CUTC: variants seen among roughly 807,000 people sequenced by gnomAD.
The protein encoded by CUTC is copper homeostasis protein cutC homolog.
A neutral mutation model predicts 36.2 loss-of-function variants in CUTC; 27 were observed. The ratio of observed to expected loss-of-function variants is 0.75; its 90% CI spans 0.55 to 1.03. The LOEUF (loss-of-function observed/expected upper bound fraction) is 1.03, where lower values mean the gene tolerates loss of function less well. Ranked by LOEUF, CUTC falls within the 50% of genes least tolerant of loss-of-function variation. The probability of loss-of-function intolerance (pLI) is 0.00; values close to 1 mark genes in which losing one functional copy is unlikely to be tolerated. For synonymous variants in CUTC, 114 were observed against 118.3 expected (o/e 0.96, Z 0.24); for missense variants, 315 against 343.5 (o/e 0.92, Z 0.66).
intron 8 of CUTC, among the ~76,000 whole-genome samples, chr10:99,754,955 G>C (rs951504125): frequency 6.7e-6 from 1 of 149,904 alleles, no homozygotes; most frequent in Non-Finnish European, 1.5e-5. Flanking sequence ...ATGATTTCCT[G>C]TAGCAAAGTT....
At chr10:99,737,725 C>T (rs1292353978) in intron 2 of CUTC, among the ~76,000 whole-genome samples, 3 of 152,182 alleles carry the variant, frequency 2.0e-5, no homozygotes, top group Non-Finnish European at 4.4e-5. Flanking sequence ...GCTATGTGCC[C>T]ATAGCCCACA....
In CUTC at chr10:99,747,324, G is replaced by T. The variant is rs1234344803; in HGVS notation, c.507G>T (p.Val169=). Residue 169 remains valine, a synonymous_variant, in exon 6 of 9, where the codon GTG becomes GTT. Transcript: ENST00000370476. Reference sequence around the variant, plus strand: ...TCTTAACCTTGGGATTTGAACGCGTGTTGACCAGTGGATGTGACAGTTCAG... The same window carrying T: ...TCTTAACCTTGGGATTTGAACGCGTTTTGACCAGTGGATGTGACAGTTCAG... ...ETLLTLGFER[V]LTSGCDSSAL... 1.2e-6 allele frequency: 2 copies of T among 1,614,210 alleles called. No homozygotes were observed. Among genetic ancestry groups the T allele is most frequent in the Admixed American group, 3.3e-5 (2 of 60,032 alleles).
At chr10:99,738,608 T>G (rs749002427) in intron 2 of CUTC, among the ~76,000 whole-genome samples, 4 of 152,208 alleles carry the variant, frequency 2.6e-5, no homozygotes, top group Non-Finnish European at 5.9e-5. Flanking sequence ...TTTTGCTAAT[T>G]ATATGTGTGA....
At chr10:99,743,384 G>A (rs549114484) in intron 4 of CUTC, 22 bp downstream of exon 4, 22 of 1,586,044 alleles carry the variant, frequency 1.4e-5, no homozygotes, top group South Asian at 1.2e-4. Flanking sequence ...TATCTAAGAC[G>A]TAAAAGCCTC....
intron 2 of CUTC, among the ~76,000 whole-genome samples, chr10:99,739,469 CA>C (rs2037322834): frequency 6.6e-6 from 1 of 152,074 alleles, no homozygotes; most frequent in South Asian, 2.1e-4. Flanking sequence ...CCCTATAATA[CA>C]AAAATTTAAG....
intron 2 of CUTC, among the ~76,000 whole-genome samples, chr10:99,737,983 T>C (rs2037310304): frequency 6.6e-6 from 1 of 151,954 alleles, no homozygotes; most frequent in South Asian, 2.1e-4. Flanking sequence ...CCGTCTCTAC[T>C]AAAAAATACA....
At chr10:99,736,454 C>A (rs1641105541) in intron 2 of CUTC, 137 bp downstream of exon 2, 6 of 628,370 alleles carry the variant, frequency 9.5e-6, no homozygotes, top group Non-Finnish European at 1.7e-5. Flanking sequence ...CAATTAGAAA[C>A]CCTACTGGAA....
intron 6 of CUTC, among the ~76,000 whole-genome samples, chr10:99,747,700 G>A (rs1382262264): frequency 1.3e-5 from 2 of 151,822 alleles, no homozygotes; most frequent in Admixed American, 6.6e-5. Flanking sequence ...TTATTTTTTA[G>A]TTTAGATATA....
chr10:99,739,540 G>A (rs1001922674), intron 2 of CUTC, among the ~76,000 whole-genome samples, 170 bp from the exon 3 acceptor site: 1 of 152,156 alleles, frequency 6.6e-6, no homozygotes, highest in Non-Finnish European at 1.5e-5. Flanking sequence ...AATGTGGGCT[G>A]CAGAGTATAG....
At chr10:99,745,848 C>T (rs924667676) in intron 5 of CUTC, among the ~76,000 whole-genome samples, 2 of 152,234 alleles carry the variant, frequency 1.3e-5, no homozygotes, top group Non-Finnish European at 2.9e-5. Context: ...CAGAGCAAGA[C>T]TGCATCTCAC....
At chr10:99,735,101 C>CAAAAAAAAAAAAAAAAAAA (rs56971127) in intron 1 of CUTC, among the ~76,000 whole-genome samples, 3 of 68,770 alleles carry the variant, frequency 4.4e-5, no homozygotes, top group African/African-American at 6.0e-5. Flanking sequence ...GACTCTGTAT[C>CAAAAAAAAAAAAAAAAAAA]AAAAAAAAAA....
intron 5 of CUTC, 23 bp from the exon 6 acceptor site, chr10:99,747,234 C>T (rs758593940): frequency 1.9e-6 from 3 of 1,611,460 alleles, no homozygotes; most frequent in Admixed American, 3.4e-5. Context: ...GTTCAAAATT[C>T]ACATCAGTTT....
chr10:99,734,622 T>C (rs1367234663), intron 1 of CUTC, among the ~76,000 whole-genome samples: 3 of 152,150 alleles, frequency 2.0e-5, no homozygotes, highest in African/African-American at 7.2e-5. Flanking sequence ...GTGTGCATTG[T>C]TTCGTTCATT....
At chr10:99,735,459 G>C (rs186959367) in intron 1 of CUTC, among the ~76,000 whole-genome samples, 53 of 152,302 alleles carry the variant, frequency 3.5e-4, no homozygotes, top group Admixed American at 1.2e-3. Flanking sequence ...CCAGGCTGGA[G>C]TGCAGTAGCA....
At chr10:99,735,602 T>C (rs1564654829) in intron 1 of CUTC, among the ~76,000 whole-genome samples, 2 of 152,128 alleles carry the variant, frequency 1.3e-5, no homozygotes, top group South Asian at 4.1e-4. Context: ...GAGACAGGGT[T>C]TTACCATGTT....
At chr10:99,735,607 C>T (rs1267477892) in intron 1 of CUTC, among the ~76,000 whole-genome samples, 1 of 152,192 alleles carries the variant, frequency 6.6e-6, no homozygotes, top group Non-Finnish European at 1.5e-5. Flanking sequence ...AGGGTTTTAC[C>T]ATGTTGGCCA....
intron 6 of CUTC, among the ~76,000 whole-genome samples, chr10:99,750,020 AC>A (rs1235062347): frequency 6.6e-6 from 1 of 152,166 alleles, no homozygotes; most frequent in Non-Finnish European, 1.5e-5. Flanking sequence ...AGATTTTATC[AC>A]ATAAGTACAT....
At chr10:99,735,178 A>C (rs535783545) in intron 1 of CUTC, among the ~76,000 whole-genome samples, 1 of 152,188 alleles carries the variant, frequency 6.6e-6, no homozygotes, top group East Asian at 1.9e-4. Flanking sequence ...TTATCTGCAT[A>C]AATAATAAAA....
chr10:99,738,214 G>T (rs2037312437), intron 2 of CUTC, among the ~76,000 whole-genome samples: 1 of 151,666 alleles, frequency 6.6e-6, no homozygotes, highest in Non-Finnish European at 1.5e-5. Flanking sequence ...GGCCTAGTAT[G>T]CATACATATA....
Sources: allele counts gnomAD v4.1 joint callset (sites outside exome capture counted in the v4.1 genomes callset), GRCh38; gene constraint gnomAD v4.1.1; transcripts MANE v1.5; gene names NCBI Gene and HGNC (gene_info 2026-07-23, HGNC 2026-07-21).